Variants in PAX7 observed in about 807,000 individuals in gnomAD.
PAX7 encodes the protein paired box 7, also known as paired box protein Pax-7.
Under a neutral mutation model 50.7 loss-of-function variants are expected in PAX7, and 18 were observed. The ratio of observed to expected loss-of-function variants is 0.36; its 90% CI spans 0.25 to 0.53. PAX7 has a LOEUF of 0.53. Ranked by LOEUF, PAX7 falls within the 20% of genes least tolerant of loss-of-function variation. The probability of loss-of-function intolerance (pLI) is 0.93; values close to 1 mark genes in which losing one functional copy is unlikely to be tolerated. For missense variants in PAX7, 644 were observed against 702.9 expected (o/e 0.92, Z 0.95); for synonymous variants, 310 against 290.4 (o/e 1.07, Z -0.69).
At chr1:18,731,511 G>A (rs1177291669) in intron 7 of PAX7, among the ~76,000 whole-genome samples, 1 of 152,076 alleles carries the variant, frequency 6.6e-6, no homozygotes, top group African/African-American at 2.4e-5. Context: ...CTGCATAATG[G>A]GAGTAATGAT....
intron 7 of PAX7, among the ~76,000 whole-genome samples, chr1:18,708,895 G>C (rs925277869): frequency 2.0e-5 from 3 of 152,158 alleles, no homozygotes; most frequent in African/African-American, 2.4e-5. Context: ...AGAGACAGGT[G>C]GGGAAGACAG....
chr1:18,696,302 G>A (rs2089149331), intron 5 of PAX7, among the ~76,000 whole-genome samples: 3 of 152,096 alleles, frequency 2.0e-5, no homozygotes, highest in Admixed American at 1.3e-4. Context: ...CCTGACCTCA[G>A]GTGATCTGCT....
Position 18,648,488 on chromosome 1 carries a change from C to T in PAX7, c.586+12117C>T, listed in dbSNP as rs550403872. Among the ~76,000 whole-genome samples the T allele has an allele frequency of 1.1e-4, 16 of 152,066 alleles. 1 individual carries two copies. In the South Asian group the frequency reaches 3.1e-3, roughly 30 times the overall value. ...TCCCGAGTAGCTGGGACTACAGGCA[C>T]GCACCACCACACCTGGCTAGTTTTT... On this transcript the variant is annotated intron_variant, in intron 4 of 8. Coordinates refer to ENST00000420770, the MANE Select transcript of PAX7 (RefSeq NM_001135254.2).
chr1:18,700,813 C>T lies in PAX7; in HGVS notation c.947C>T (p.Ser316Phe). ...PDSTYPTTTI[S>F]QDGGSTVHRP... ...TCCACCTACCCCACCACCACCATCT[C>T]CCAAGGTGAGTGTCTTGGCCCCGTC... Residue 316 changes from serine (S) to phenylalanine (F), a missense_variant, in exon 6 of 9, where the codon TCC becomes TTC. Coordinates refer to ENST00000420770, the MANE Select transcript of PAX7 (RefSeq NM_001135254.2). The surrounding 1 kb of genome is among the most constrained non-coding windows in gnomAD (Gnocchi z 4.8). 6.6e-7 allele frequency: 1 copy of T among 1,518,048 alleles called. No homozygotes were observed. 94.0% of individuals were successfully genotyped at this position (1,518,048 alleles called of 1,614,324 possible). A position where few individuals can be genotyped will look rare whatever the true frequency, so the allele number is the denominator to read the frequency against.
Position 18,691,190 on chromosome 1 carries a change from G to C in PAX7, c.587-564G>C, listed in dbSNP as rs186148562. Among the ~76,000 whole-genome samples the C allele has an allele frequency of 7.6e-4, 116 of 152,254 alleles. 1 individual carries two copies. Among genetic ancestry groups the C allele is most frequent in the South Asian group, 5.8e-3 (28 of 4,826 alleles). On this transcript the variant is annotated intron_variant, in intron 4 of 8. Transcript: ENST00000420770. ...GGTTGGTTCTTACTGTGTTGTCCAG[G>C]CTGGTCTTGAACTCCTGGGCTCAAG...
At chr1:18,635,375 G>A (rs77994984) in intron 3 of PAX7, 135 bp downstream of exon 3, 5 of 978,794 alleles carry the variant, frequency 5.1e-6, no homozygotes, top group Non-Finnish European at 7.4e-6. Context: ...GAGGAAAGGA[G>A]TACAGAAAGG....
rs767826717 is a variant in PAX7 at position 18,652,890 on chromosome 1, C to T, written c.586+16519C>T. Among the ~76,000 whole-genome samples, 29 of 152,320 alleles carry T rather than the reference C, an allele frequency of 1.9e-4. No individual in the cohort carries two copies. In the Middle Eastern group the frequency reaches 0.017, roughly 89 times the overall value. On this transcript the variant is annotated intron_variant, in intron 4 of 8. Transcript: ENST00000420770. ...GCTCTATACACCTCCCTTAACTCCC[C>T]AGCCATGCCCCGTGGGTATCTGTTT...
At chr1:18,702,077 A>C (rs1374133889) in intron 6 of PAX7, among the ~76,000 whole-genome samples, 1 of 152,158 alleles carries the variant, frequency 6.6e-6, no homozygotes, top group Non-Finnish European at 1.5e-5. Context: ...TCACAACTGC[A>C]ATCCCAGCAC....
rs1406923443 is a variant in PAX7, at chr1:18,747,802, T to A, written c.*2873T>A. ...TCGTTTATAGAAAGCTGACTTTTTA[T>A]AAATATATATATATACTAAAAAAGG... On this transcript the variant is annotated 3_prime_UTR_variant, in exon 9 of 9. Coordinates refer to ENST00000420770, the MANE Select transcript of PAX7 (RefSeq NM_001135254.2). 2 of 191,432 alleles carry A rather than the reference T, an allele frequency of 1.0e-5. No individual in the cohort carries two copies. The highest frequency in any genetic ancestry group is 2.3e-5 in the African/African-American group (1 of 42,972). The allele number at this position is 191,432 out of a possible 1,614,324, so 11.9% of individuals were successfully genotyped here.
chr1:18,721,711 A>T (rs1183437015), intron 7 of PAX7, among the ~76,000 whole-genome samples: 3 of 152,206 alleles, frequency 2.0e-5, no homozygotes, highest in Non-Finnish European at 4.4e-5. Flanking sequence ...GGATAAAAAG[A>T]ACCATTTCTG....
At chr1:18,723,261 G>A (rs1327893420) in intron 7 of PAX7, among the ~76,000 whole-genome samples, 2 of 152,130 alleles carry the variant, frequency 1.3e-5, no homozygotes, top group African/African-American at 4.8e-5. Context: ...TGGGGGTGGG[G>A]TGTAATATAG....
intron 4 of PAX7, among the ~76,000 whole-genome samples, chr1:18,671,612 G>T (rs2088750947): frequency 6.6e-6 from 1 of 152,054 alleles, no homozygotes; most frequent in South Asian, 2.1e-4. Context: ...AGCAGGCCTG[G>T]ATTCAAATCC....
At chr1:18,657,387 G>A (rs1289556789) in intron 4 of PAX7, among the ~76,000 whole-genome samples, 4 of 151,072 alleles carry the variant, frequency 2.6e-5, no homozygotes, top group African/African-American at 7.3e-5. Context: ...TGGCCCCATC[G>A]CCTCCACCTT....
At chr1:18,709,477 C>T (rs1025482028) in intron 7 of PAX7, among the ~76,000 whole-genome samples, 3 of 152,226 alleles carry the variant, frequency 2.0e-5, no homozygotes, top group South Asian at 2.1e-4. Context: ...CCTTTCTGTC[C>T]TTTCCTGCTT....
chr1:18,720,906 G>A (rs1432006719), intron 7 of PAX7, among the ~76,000 whole-genome samples: 1 of 152,050 alleles, frequency 6.6e-6, no homozygotes, highest in African/African-American at 2.4e-5. Context: ...AGAGCTGGAG[G>A]GACGAAGGTG....
At chr1:18,721,305 G>C (rs921651848) in intron 7 of PAX7, among the ~76,000 whole-genome samples, 1 of 152,122 alleles carries the variant, frequency 6.6e-6, no homozygotes, top group Admixed American at 6.5e-5. Context: ...ACCCTGACAG[G>C]TGCTACCCTG....
At position 18,747,530 on chromosome 1, in the gene PAX7, GAGGTGATGTTGAATGAGAGACACA is replaced by G. The variant is rs1239396093; in HGVS notation, c.*2605_*2628del. On this transcript the variant is annotated 3_prime_UTR_variant, in exon 9 of 9. Coordinates refer to ENST00000420770, the MANE Select transcript of PAX7 (RefSeq NM_001135254.2). ...GTTGGCAACTCGAAACATCACCAGA[GAGGTGATGTTGAATGAGAGACACA>G]AGGCCTCCATCTCTTTGGGGCTGAC... 2.8e-5 allele frequency: 6 copies of G among 214,192 alleles called. No homozygotes were observed. Among genetic ancestry groups the G allele is most frequent in the African/African-American group, 4.5e-5 (2 of 44,260 alleles). The allele number at this position is 214,192 out of a possible 1,614,324, so 13.3% of individuals were successfully genotyped here. A position where few individuals can be genotyped will look rare whatever the true frequency, so the allele number is the denominator to read the frequency against.
In PAX7 at chr1:18,746,431, C is replaced by G. The variant is rs1931441990; in HGVS notation, c.*1502C>G. ...ACCTTGGGAGGATGATTCAAACCCT[C>G]AATTCCTCCTCCCTGGGAACTTTTT... On this transcript the variant is annotated 3_prime_UTR_variant, in exon 9 of 9. Coordinates refer to ENST00000420770, the MANE Select transcript of PAX7 (RefSeq NM_001135254.2). The G allele has an allele frequency of 4.3e-6, 1 of 231,238 alleles. No individual in the cohort carries two copies. The highest frequency in any genetic ancestry group is 1.8e-4 in the South Asian group (1 of 5,504). The allele number at this position is 231,238 out of a possible 1,614,324, so 14.3% of individuals were successfully genotyped here.
At chr1:18,724,448 C>T (rs980686612) in intron 7 of PAX7, among the ~76,000 whole-genome samples, 3 of 152,248 alleles carry the variant, frequency 2.0e-5, no homozygotes, top group African/African-American at 7.2e-5. Flanking sequence ...TCTCTGTCTG[C>T]TCCATTACCA....
Sources: gnomAD v4.1 joint callset for allele counts (sites outside exome capture counted in the v4.1 genomes callset) on GRCh38, gnomAD v4.1.1 for gene constraint, Gnocchi (gnomAD v3.1) non-coding constraint, MANE v1.5 for transcripts, NCBI Gene and HGNC (gene_info 2026-07-23, HGNC 2026-07-21) for gene names.